The following METTL15 variants were observed in gnomAD, a reference collection of about 807,000 sequenced individuals.
METTL15 encodes the protein 12S rRNA N(4)-cytidine methyltransferase METTL15.
A neutral mutation model predicts 38.3 loss-of-function variants in METTL15; 34 were observed. That is an observed-to-expected ratio of 0.89 (90% confidence interval 0.68 to 1.18). METTL15 has a LOEUF of 1.18. Ranked by LOEUF, METTL15 falls within the 50% of genes most tolerant of loss-of-function variation. The pLI is 0.00. For missense variants in METTL15, 438 were observed against 498.4 expected, an observed-to-expected ratio of 0.88 and a Z score of 1.15; for synonymous variants, 162 against 170.9, an observed-to-expected ratio of 0.95 and a Z score of 0.41.
At chr11:28,130,226 A>G (rs1852699937) in intron 3 of METTL15, among the ~76,000 whole-genome samples, 1 of 152,068 alleles carries the variant, frequency 6.6e-6, no homozygotes, top group Non-Finnish European at 1.5e-5. Flanking sequence ...TTGGAGGATC[A>G]CACGAGCCCT....
intron 3 of METTL15, among the ~76,000 whole-genome samples, chr11:28,339,855 G>A (rs1236266547): frequency 6.6e-6 from 1 of 152,046 alleles, no homozygotes; most frequent in African/African-American, 2.4e-5. Flanking sequence ...GAGAAAGTAG[G>A]GGGGAAAGGG....
intron 6 of METTL15, among the ~76,000 whole-genome samples, chr11:28,435,392 G>A (rs776237931): frequency 2.6e-5 from 4 of 152,182 alleles, no homozygotes; most frequent in Non-Finnish European, 5.9e-5. Flanking sequence ...ACTGGTCCAT[G>A]GAAACTCTGA....
chr11:28,241,815 A>G (rs978523131), intron 4 of METTL15, among the ~76,000 whole-genome samples: 2 of 152,192 alleles, frequency 1.3e-5, no homozygotes, highest in Non-Finnish European at 2.9e-5. Flanking sequence ...GGGAGCACAT[A>G]AGGAGCAAGA....
At chr11:28,115,880 G>GTA (rs1175222617) in intron 3 of METTL15, among the ~76,000 whole-genome samples, 4 of 150,038 alleles carry the variant, frequency 2.7e-5, no homozygotes, top group Non-Finnish European at 4.4e-5. Context: ...ATATATGTGT[G>GTA]TATATATATA....
intron 3 of METTL15, among the ~76,000 whole-genome samples, chr11:28,144,137 T>C (rs974312649): frequency 1.3e-5 from 2 of 152,172 alleles, no homozygotes; most frequent in African/African-American, 4.8e-5. Context: ...ATGTAGTGGA[T>C]TGCAATAAGC....
chr11:28,308,888 GTAGGTAGA>G (rs1304081646), intron 6 of METTL15, among the ~76,000 whole-genome samples: 1 of 107,966 alleles, frequency 9.3e-6, no homozygotes, highest in African/African-American at 3.3e-5. Context: ...AGATAGGTAG[GTAGGTAGA>G]TAGATAGATA....
intron 4 of METTL15, among the ~76,000 whole-genome samples, chr11:28,276,427 A>G (rs1426569423): frequency 6.6e-6 from 1 of 152,152 alleles, no homozygotes; most frequent in Non-Finnish European, 1.5e-5. Context: ...CAAAACACTC[A>G]TGAAGTAAAT....
intron 6 of METTL15, among the ~76,000 whole-genome samples, chr11:28,319,998 G>A (rs951608845): frequency 1.3e-5 from 2 of 152,064 alleles, no homozygotes; most frequent in African/African-American, 4.8e-5. Context: ...CTTCTTTATA[G>A]CACTTAATCA....
chr11:28,345,322 G>A (rs945774261), intron 3 of METTL15, among the ~76,000 whole-genome samples: 2 of 152,090 alleles, frequency 1.3e-5, no homozygotes, highest in African/African-American at 4.8e-5. Context: ...CAGAGTAGCT[G>A]GGACTACAGG....
chr11:28,182,506 A>G (rs1851329225), intron 3 of METTL15, among the ~76,000 whole-genome samples: 1 of 152,136 alleles, frequency 6.6e-6, no homozygotes, highest in Non-Finnish European at 1.5e-5. Flanking sequence ...CATATATTAA[A>G]TAGGGAATCT....
intron 4 of METTL15, among the ~76,000 whole-genome samples, chr11:28,227,512 A>G (rs1374491723): frequency 6.6e-6 from 1 of 151,796 alleles, no homozygotes; most frequent in African/African-American, 2.4e-5. Flanking sequence ...AGAGAATTGA[A>G]GTGTTGAAAA....
chr11:28,273,537 T>G (rs1398206831), intron 4 of METTL15, among the ~76,000 whole-genome samples: 1 of 152,132 alleles, frequency 6.6e-6, no homozygotes, highest in East Asian at 1.9e-4. Context: ...CACCTAGAGC[T>G]GTAGTTAATC....
chr11:28,449,477 G>A (rs991643904), intron 6 of METTL15, among the ~76,000 whole-genome samples: 3 of 152,160 alleles, frequency 2.0e-5, no homozygotes, highest in Non-Finnish European at 4.4e-5. Context: ...ATTCCATGAG[G>A]AAAGTCTGAT....
chr11:28,261,380 A>T (rs1855194710), intron 4 of METTL15: 1 of 153,200 alleles, frequency 6.5e-6, no homozygotes, highest in East Asian at 1.9e-4. Flanking sequence ...GTCGTCTTTG[A>T]CTAAGTATAC....
chr11:28,203,300 A>G (rs1852184029), intron 3 of METTL15, among the ~76,000 whole-genome samples: 2 of 152,102 alleles, frequency 1.3e-5, no homozygotes, highest in Non-Finnish European at 2.9e-5. Flanking sequence ...GGTACAGATA[A>G]TAGGTGGACA....
chr11:28,257,899 C>G (rs1189724527), intron 4 of METTL15, among the ~76,000 whole-genome samples: 1 of 152,148 alleles, frequency 6.6e-6, no homozygotes, highest in Non-Finnish European at 1.5e-5. Flanking sequence ...TGCTTTACTT[C>G]ATTTGGTGAG....
At chr11:28,290,970 G>A (rs1479383905) in intron 5 of METTL15, among the ~76,000 whole-genome samples, 1 of 151,424 alleles carries the variant, frequency 6.6e-6, no homozygotes, top group African/African-American at 2.4e-5. Context: ...GGAAATACTA[G>A]CATTTATTCT....
At chr11:28,136,272 A>G (rs570163618) in intron 3 of METTL15, among the ~76,000 whole-genome samples, 50 of 152,238 alleles carry the variant, frequency 3.3e-4, no homozygotes, top group African/African-American at 1.2e-3. Flanking sequence ...AGATAATTGA[A>G]TCATGGGGGC....
intron 6 of METTL15, among the ~76,000 whole-genome samples, chr11:28,304,017 T>A (rs1197993516): frequency 6.6e-6 from 1 of 152,202 alleles, no homozygotes; most frequent in African/African-American, 2.4e-5. Flanking sequence ...TTGCTATGAC[T>A]AATAAATGAC....
Sources: allele counts gnomAD v4.1 joint callset (sites outside exome capture counted in the v4.1 genomes callset), GRCh38; gene constraint gnomAD v4.1.1; transcripts MANE v1.5; gene names NCBI Gene and HGNC (gene_info 2026-07-23, HGNC 2026-07-21).